The following ADAMTS20 variants were observed in gnomAD, a reference collection of about 807,000 sequenced individuals.
ADAMTS20 encodes the protein ADAM metallopeptidase with thrombospondin type 1 motif 20.
In ADAMTS20, 225 loss-of-function variants were observed where a neutral mutation model predicts 260.1. That is an observed-to-expected ratio of 0.87 (90% confidence interval 0.78 to 0.97). The LOEUF (loss-of-function observed/expected upper bound fraction) is 0.97. Ranked by LOEUF, ADAMTS20 falls within the 50% of genes least tolerant of loss-of-function variation. ADAMTS20 has a pLI of 0.00. For missense variants in ADAMTS20, 2,400 were observed against 2,337.7 expected, an observed-to-expected ratio of 1.03 and a Z score of -0.55; for synonymous variants, 802 against 769.5, an observed-to-expected ratio of 1.04 and a Z score of -0.70.
At chr12:43,433,301 T>C (rs1449542815) in intron 19 of ADAMTS20, among the ~76,000 whole-genome samples, 2 of 152,190 alleles carry the variant, frequency 1.3e-5, no homozygotes, top group African/African-American at 2.4e-5. Context: ...TGTTTCCAGG[T>C]AAAACATGTC....
Position 43,428,470 on chromosome 12 carries a change from T to C in ADAMTS20, c.3716A>G (p.Gln1239Arg), listed in dbSNP as rs1274135699. The C allele has an allele frequency of 6.2e-7, 1 of 1,613,958 alleles. No individual in the cohort carries two copies. Among genetic ancestry groups the C allele is most frequent in the South Asian group, 1.1e-5 (1 of 91,080 alleles). The change falls in exon 26 of 39, where the codon CAG (glutamine) becomes CGG (arginine). Residue 1239 changes from glutamine (Q) to arginine (R), a missense_variant. Physicochemically the swap from Gln to Arg is conservative, Grantham distance 43 (BLOSUM62 1). Transcript: ENST00000389420. ...TRQVLCMNYH[Q>R]PIDENYCDPE... The stretch of plus-strand genomic sequence containing the variant: ...ATCACAGTAATTCTCATCAATTGGC[T>C]GATGGTAGTTCATGCATAAAACTTG...
chr12:43,507,929 T>G (rs1422020807), intron 3 of ADAMTS20, among the ~76,000 whole-genome samples: 1 of 152,136 alleles, frequency 6.6e-6, no homozygotes, highest in Non-Finnish European at 1.5e-5. Flanking sequence ...AAGTGGAAGC[T>G]AAATGATGAG....
At chr12:43,531,807 C>T (rs1943224871) in intron 3 of ADAMTS20, among the ~76,000 whole-genome samples, 1 of 152,068 alleles carries the variant, frequency 6.6e-6, no homozygotes, top group South Asian at 2.1e-4. Flanking sequence ...AAAATAAGTA[C>T]ATGAGCTAAT....
chr12:43,399,059 C>T lies in ADAMTS20; in HGVS notation c.4452+7G>A. ...ACATATATAATTATAAAATATACAT[C>T]ATATACCTCATTCCAGCTATTGGCT... On this transcript the variant is annotated splice_region_variant and intron_variant, in intron 29 of 38. Transcript: ENST00000389420. 1.4e-6 allele frequency: 2 copies of T among 1,477,098 alleles called. No homozygotes were observed. Among genetic ancestry groups the T allele is most frequent in the South Asian group, 2.8e-5 (2 of 71,352 alleles). 91.5% of individuals were successfully genotyped at this position (1,477,098 alleles called of 1,614,324 possible).
chr12:43,527,102 A>G (rs1486466760), intron 3 of ADAMTS20, among the ~76,000 whole-genome samples: 1 of 152,188 alleles, frequency 6.6e-6, no homozygotes, highest in Non-Finnish European at 1.5e-5. Context: ...AAACAGATAA[A>G]TTCCTGGAAC....
intron 28 of ADAMTS20, among the ~76,000 whole-genome samples, chr12:43,420,224 T>C (rs1182411304): frequency 2.6e-5 from 4 of 152,200 alleles, no homozygotes; most frequent in African/African-American, 9.6e-5. Context: ...GCCACCTGTT[T>C]ATTAATTACA....
In ADAMTS20 at chr12:43,432,772, A is replaced by C; in HGVS notation, c.2760T>G (p.Cys920Trp). ...TGTCCAAGGTTCTATATCCTTGACC[A>C]CATTGGGATGAACATTCACTTTTGC... The part of the protein sequence containing the change: ...VIGKSECSSQ[C>W]GQGYRTLDIH... The change falls in exon 20 of 39, where the codon TGT becomes TGG. Residue 920 changes from cysteine (C) to tryptophan (W), a missense_variant. Cys to Trp is a radical substitution (Grantham distance 215). Transcript: ENST00000389420. 1 of 1,614,010 alleles carries C rather than the reference A, an allele frequency of 6.2e-7. No individual in the cohort carries two copies. Among genetic ancestry groups the C allele is most frequent in the Non-Finnish European group, 8.5e-7 (1 of 1,179,872 alleles).
intron 36 of ADAMTS20, 35 bp downstream of exon 36, chr12:43,375,344 G>C (rs759340905): frequency 1.7e-5 from 27 of 1,599,264 alleles, no homozygotes; most frequent in South Asian, 3.4e-5. Context: ...GCAAATGGAG[G>C]CTTTTTGATT....
chr12:43,458,409 A>G (rs559726551), intron 11 of ADAMTS20, among the ~76,000 whole-genome samples: 1 of 152,294 alleles, frequency 6.6e-6, no homozygotes, highest in East Asian at 1.9e-4. Context: ...ATCTTCCTTC[A>G]GTTACTTCTT....
chr12:43,406,298 A>T (rs1191036108), intron 28 of ADAMTS20, among the ~76,000 whole-genome samples: 2 of 152,092 alleles, frequency 1.3e-5, no homozygotes, highest in Admixed American at 1.3e-4. Flanking sequence ...AGTATGTATT[A>T]TTTATCCTGT....
At chr12:43,379,370 T>C (rs1940299577) in intron 31 of ADAMTS20, among the ~76,000 whole-genome samples, 1 of 152,102 alleles carries the variant, frequency 6.6e-6, no homozygotes, top group Non-Finnish European at 1.5e-5. Context: ...TCCAGTGTAT[T>C]AATGGGATCT....
chr12:43,545,738 A>G (rs966484746), intron 2 of ADAMTS20, among the ~76,000 whole-genome samples: 2 of 152,144 alleles, frequency 1.3e-5, no homozygotes, highest in African/African-American at 4.8e-5. Flanking sequence ...TGGACTGCCC[A>G]GCAGCCTAGG....
rs374051568 is a variant in ADAMTS20, at chr12:43,528,383, C to T, written c.613+3653G>A. ...AAAAAAAAAAAAAAAAACACAAATC[C>T]GGAAGCAATATATACCCAACTTCCA... On this transcript the variant is annotated intron_variant, in intron 3 of 38. Transcript: ENST00000389420. 4.1e-3 allele frequency among the ~76,000 whole-genome samples: 331 copies of T among 81,414 alleles called. 2 individuals are homozygous for T. The highest frequency in any genetic ancestry group is 0.014 in the African/African-American group (303 of 21,088). 53.4% of individuals were successfully genotyped at this position (81,414 alleles called of 152,430 possible).
intron 7 of ADAMTS20, among the ~76,000 whole-genome samples, chr12:43,469,269 C>T (rs972272173): frequency 1.3e-5 from 2 of 151,860 alleles, no homozygotes; most frequent in Non-Finnish European, 2.9e-5. Flanking sequence ...GAATTACTGC[C>T]GTCACTGAAT....
chr12:43,519,404 G>T (rs139603732), intron 3 of ADAMTS20, among the ~76,000 whole-genome samples: 360 of 152,078 alleles, frequency 2.4e-3, no homozygotes, highest in South Asian at 5.2e-3. Flanking sequence ...ACTTGTACAG[G>T]ATAGTCCTGC....
chr12:43,540,759 CACTT>C (rs889701166), intron 2 of ADAMTS20, among the ~76,000 whole-genome samples: 2 of 152,132 alleles, frequency 1.3e-5, no homozygotes, highest in Non-Finnish European at 2.9e-5. Context: ...AAATTCCTAA[CACTT>C]TCTTTCAATG....
intron 37 of ADAMTS20, among the ~76,000 whole-genome samples, chr12:43,359,808 T>C (rs1394933565): frequency 6.6e-6 from 1 of 152,228 alleles, no homozygotes; most frequent in Non-Finnish European, 1.5e-5. Flanking sequence ...ATCAAGTCTA[T>C]AAATCCCTCA....
At chr12:43,493,054 C>G in intron 5 of ADAMTS20, 116 bp downstream of exon 5, 1 of 732,560 alleles carries the variant, frequency 1.4e-6, no homozygotes, top group Non-Finnish European at 2.3e-6. Context: ...CTTCTCAAAT[C>G]AAGTCTTTTA....
intron 37 of ADAMTS20, among the ~76,000 whole-genome samples, chr12:43,360,739 CAA>C (rs1939849947): frequency 1.3e-5 from 2 of 152,020 alleles, no homozygotes; most frequent in African/African-American, 4.8e-5. Flanking sequence ...CTTGCAGTAA[CAA>C]GAGAGATCAC....
Sources: allele counts gnomAD v4.1 joint callset (sites outside exome capture counted in the v4.1 genomes callset), GRCh38; gene constraint gnomAD v4.1.1; transcripts MANE v1.5; gene names NCBI Gene and HGNC (gene_info 2026-07-23, HGNC 2026-07-21).